Variants in ZNF804A observed in about 807,000 individuals in gnomAD.
ZNF804A encodes zinc finger protein 804A.
In ZNF804A, 2 loss-of-function variants were observed where a neutral mutation model predicts 16.5. That is an observed-to-expected ratio of 0.12 (90% CI 0.05 to 0.38). The LOEUF is 0.38. ZNF804A is among the 10% of genes least tolerant of loss of function. The pLI, the probability that ZNF804A is intolerant of heterozygous loss-of-function variation, is 0.99. For synonymous variants in ZNF804A, 534 were observed against 489.6 expected (o/e 1.09, Z -1.20); for missense variants, 1,473 against 1,390.7 (o/e 1.06, Z -0.94).
chr2:184,755,849 C>A (rs1365239075), intron 1 of ZNF804A, among the ~76,000 whole-genome samples: 1 of 151,942 alleles, frequency 6.6e-6, no homozygotes, highest in Non-Finnish European at 1.5e-5. Context: ...GCTGTAACAA[C>A]TAGACATTTT....
chr2:184,785,682 A>G (rs1283238070), intron 1 of ZNF804A, among the ~76,000 whole-genome samples: 2 of 152,056 alleles, frequency 1.3e-5, no homozygotes, highest in Admixed American at 1.3e-4. Flanking sequence ...ATAGGTAGGC[A>G]TATACATATA....
chr2:184,792,846 T>A (rs1267378007), intron 1 of ZNF804A, among the ~76,000 whole-genome samples: 1 of 152,078 alleles, frequency 6.6e-6, no homozygotes, highest in African/African-American at 2.4e-5. Context: ...TACATGATGC[T>A]GAGGTTTGTA....
chr2:184,883,878 T>C lies in ZNF804A; in HGVS notation c.255+17366T>C, dbSNP rs903747799. ...TAGGCAAATGCTGGAAACATTCCCA[T>C]TGAAATCTGGAAGAAGACAAGGATG... On this transcript the variant is annotated intron_variant, in intron 2 of 3. Transcript: ENST00000302277. Among the ~76,000 whole-genome samples the C allele has an allele frequency of 5.3e-5, 8 of 152,032 alleles. 1 individual carries two copies. The highest frequency in any genetic ancestry group is 9.7e-5 in the African/African-American group (4 of 41,416).
At chr2:184,906,321 C>G (rs558537330) in intron 2 of ZNF804A, among the ~76,000 whole-genome samples, 60 of 152,130 alleles carry the variant, frequency 3.9e-4, no homozygotes, top group African/African-American at 1.4e-3. Context: ...TTGTTTGAGG[C>G]AGGGTCTTGC....
At chr2:184,712,459 T>C (rs1693145599) in intron 1 of ZNF804A, among the ~76,000 whole-genome samples, 1 of 151,824 alleles carries the variant, frequency 6.6e-6, no homozygotes, top group Non-Finnish European at 1.5e-5. Context: ...AAATTATCTC[T>C]TTGTCTTTAA....
intron 1 of ZNF804A, among the ~76,000 whole-genome samples, chr2:184,857,859 A>G (rs1379167346): frequency 2.6e-5 from 4 of 152,018 alleles, no homozygotes; most frequent in Non-Finnish European, 5.9e-5. Context: ...ATGTGAAATG[A>G]ATCTCTTAAA....
At chr2:184,887,518 G>T (rs1684912775) in intron 2 of ZNF804A, among the ~76,000 whole-genome samples, 1 of 152,200 alleles carries the variant, frequency 6.6e-6, no homozygotes, top group South Asian at 2.1e-4. Flanking sequence ...TGTTGATAAA[G>T]ATGTAATTGA....
intron 1 of ZNF804A, among the ~76,000 whole-genome samples, chr2:184,742,814 A>T (rs946411250): frequency 6.7e-6 from 1 of 149,282 alleles, no homozygotes; most frequent in Non-Finnish European, 1.5e-5. Flanking sequence ...GTGTATATAT[A>T]TAACTATATT....
chr2:184,677,722 C>A (rs1692462152), intron 1 of ZNF804A, among the ~76,000 whole-genome samples: 1 of 151,878 alleles, frequency 6.6e-6, no homozygotes, highest in Non-Finnish European at 1.5e-5. Context: ...ATTACTAACT[C>A]AATGTTCAAA....
chr2:184,672,080 A>G (rs1692346342), intron 1 of ZNF804A, among the ~76,000 whole-genome samples: 2 of 152,178 alleles, frequency 1.3e-5, no homozygotes, highest in East Asian at 1.9e-4. Context: ...CTTTCAAATT[A>G]TCTAAGACAC....
intron 1 of ZNF804A, among the ~76,000 whole-genome samples, chr2:184,629,246 A>G (rs957735694): frequency 1.3e-5 from 2 of 152,072 alleles, no homozygotes; most frequent in African/African-American, 4.8e-5. Context: ...CTTGTCAGAG[A>G]GTAGTTTTAA....
intron 1 of ZNF804A, among the ~76,000 whole-genome samples, chr2:184,785,733 C>T (rs1694437240): frequency 6.6e-6 from 1 of 151,836 alleles, no homozygotes; most frequent in South Asian, 2.1e-4. Context: ...CATTTGTATA[C>T]CTTCTGATGT....
chr2:184,886,315 G>A lies in ZNF804A; in HGVS notation c.255+19803G>A, dbSNP rs73043280. Among the ~76,000 whole-genome samples, 844 of 152,256 alleles carry A rather than the reference G, an allele frequency of 5.5e-3. 4 individuals are homozygous for A. The highest frequency in any genetic ancestry group is 0.018 in the African/African-American group (763 of 41,560). On this transcript the variant is annotated intron_variant, in intron 2 of 3. Coordinates refer to ENST00000302277, the MANE Select transcript of ZNF804A (RefSeq NM_194250.2). ...TGGTTACCATGGTCTTGCGCAGCTC[G>A]GCCCCTGTGGCTTTGTTGGGTACAG...
Position 184,936,360 on chromosome 2 carries a change from G to A in ZNF804A, c.964G>A (p.Ala322Thr), listed in dbSNP as rs1371782893. 1.9e-6 allele frequency: 3 copies of A among 1,613,974 alleles called. No individual in the cohort carries two copies. The East Asian group carries it at 6.7e-5, about 36-fold the overall frequency. Residue 322 changes from alanine to threonine, a missense_variant, in exon 4 of 4, where the codon GCA becomes ACA. By Grantham distance (58) the Ala-to-Thr change is moderately conservative (BLOSUM62 0). Transcript: ENST00000302277. Reference sequence around the variant, plus strand: ...GTTTCAACTTCAGTTATCTTCTGATGCAGATAATTGTCAAAATTCAGTCCC... The same window carrying A: ...GTTTCAACTTCAGTTATCTTCTGATACAGATAATTGTCAAAATTCAGTCCC... Reference protein sequence around the residue: ...CKFQLQLSSDADNCQNSVPLA... With the variant: ...CKFQLQLSSDTDNCQNSVPLA...
chr2:184,657,740 T>C (rs1692104519), intron 1 of ZNF804A, among the ~76,000 whole-genome samples: 1 of 152,230 alleles, frequency 6.6e-6, no homozygotes, highest in Non-Finnish European at 1.5e-5. Context: ...AATTCTACAG[T>C]TGCCTGAATA....
chr2:184,779,711 T>C (rs1391981683), intron 1 of ZNF804A, among the ~76,000 whole-genome samples: 2 of 151,710 alleles, frequency 1.3e-5, no homozygotes, highest in Non-Finnish European at 2.9e-5. Context: ...GGCTGGCCTC[T>C]AGAAGCTGGA....
At chr2:184,802,658 T>A (rs936786259) in intron 1 of ZNF804A, among the ~76,000 whole-genome samples, 2 of 152,236 alleles carry the variant, frequency 1.3e-5, no homozygotes, top group African/African-American at 4.8e-5. Context: ...TTCAATTCTC[T>A]GATGAGTGCA....
At chr2:184,714,517 G>A (rs1306993033) in intron 1 of ZNF804A, among the ~76,000 whole-genome samples, 1 of 152,062 alleles carries the variant, frequency 6.6e-6, no homozygotes. Flanking sequence ...TCTACAGCTT[G>A]TGAATTATTC....
intron 1 of ZNF804A, among the ~76,000 whole-genome samples, chr2:184,671,750 C>G (rs561071633): frequency 3.3e-5 from 5 of 152,144 alleles, no homozygotes; most frequent in Non-Finnish European, 5.9e-5. Context: ...CATTGGCCTC[C>G]CTTGCTTAAT....
Sources: gnomAD v4.1 joint callset for allele counts (sites outside exome capture counted in the v4.1 genomes callset) on GRCh38, gnomAD v4.1.1 for gene constraint, MANE v1.5 for transcripts, NCBI Gene and HGNC (gene_info 2026-07-23, HGNC 2026-07-21) for gene names.